Variants in MAP4K4 observed in about 807,000 individuals in gnomAD.
MAP4K4 encodes mitogen-activated protein kinase kinase kinase kinase 4, also known as HPK/GCK-like kinase HGK.
A neutral mutation model predicts 189.6 loss-of-function variants in MAP4K4; 38 were observed. The observed-to-expected ratio is 0.20, with a 90% CI of 0.15 to 0.26. MAP4K4 has a LOEUF of 0.26. Ranked by LOEUF, MAP4K4 falls within the 10% of genes least tolerant of loss-of-function variation. The pLI is 1.00. For synonymous variants in MAP4K4, 610 were observed against 624.3 expected (o/e 0.98, Z 0.34); for missense variants, 1,054 against 1,726.9 (o/e 0.61, Z 6.91).
At chr2:101,822,773 C>A (rs925532195) in intron 3 of MAP4K4, among the ~76,000 whole-genome samples, 4 of 152,046 alleles carry the variant, frequency 2.6e-5, no homozygotes, top group African/African-American at 9.7e-5. Flanking sequence ...AGAAGGACAT[C>A]AGTTGTGAGT....
At chr2:101,877,260 A>G (rs768545328) in intron 27 of MAP4K4, 114 bp downstream of exon 27, 76 of 1,040,728 alleles carry the variant, frequency 7.3e-5, no homozygotes, top group Non-Finnish European at 9.2e-5. Context: ...ATAAGGTACA[A>G]CCACATTGAG....
chr2:101,759,156 A>G (rs1202652609), intron 2 of MAP4K4, among the ~76,000 whole-genome samples: 1 of 133,672 alleles, frequency 7.5e-6, no homozygotes, highest in Non-Finnish European at 1.6e-5. Context: ...AAAAAAAAAG[A>G]AGGGTTGCCA....
rs530614391 is a variant in MAP4K4, at chr2:101,820,604, T to C, written c.181-3324T>C. On this transcript the variant is annotated intron_variant, in intron 3 of 32. Coordinates refer to ENST00000324219, the Ensembl canonical transcript of MAP4K4. ...TTTAGAGCACATGTTTAATTAACCATGGACCTTATTTTGGGAGTGACACCA... is the reference window on the plus strand; with the variant it reads ...TTTAGAGCACATGTTTAATTAACCACGGACCTTATTTTGGGAGTGACACCA... Among the ~76,000 whole-genome samples, 171 of 152,348 alleles carry C rather than the reference T, an allele frequency of 1.1e-3. 2 individuals are homozygous for C. Among genetic ancestry groups the C allele is most frequent in the African/African-American group, 3.8e-3 (158 of 41,574 alleles).
chr2:101,867,291 C>T, exon 20 of MAP4K4: 1 of 1,606,274 alleles, frequency 6.2e-7, no homozygotes, highest in Non-Finnish European at 8.5e-7. Flanking sequence ...AGGAAGTTTT[C>T]AGACCCCTCA....
At chr2:101,888,010 C>A in intron 31 of MAP4K4, 73 bp downstream of exon 31, 2 of 1,390,296 alleles carry the variant, frequency 1.4e-6, no homozygotes, top group Non-Finnish European at 9.8e-7. Flanking sequence ...ATTTATCATG[C>A]TGATTTTGTA....
chr2:101,703,901 C>T (rs2149191508), intron 2 of MAP4K4, among the ~76,000 whole-genome samples: 1 of 152,016 alleles, frequency 6.6e-6, no homozygotes, highest in South Asian at 2.1e-4. Flanking sequence ...GTCCCAGCTA[C>T]CCAGGAGGCT....
chr2:101,876,431 G>C (rs987429626), intron 26 of MAP4K4, among the ~76,000 whole-genome samples: 3 of 152,230 alleles, frequency 2.0e-5, no homozygotes, highest in African/African-American at 4.8e-5. Flanking sequence ...CTAAGAAATG[G>C]AAGGACAAGA....
At chr2:101,811,703 C>G (rs1157323548) in intron 3 of MAP4K4, among the ~76,000 whole-genome samples, 1 of 152,162 alleles carries the variant, frequency 6.6e-6, no homozygotes, top group Non-Finnish European at 1.5e-5. Context: ...AGTGGGCCCA[C>G]AGTTCGTGCT....
chr2:101,873,345 AT>A (rs373187757), intron 24 of MAP4K4, among the ~76,000 whole-genome samples: 1 of 151,798 alleles, frequency 6.6e-6, no homozygotes, highest in African/African-American at 2.4e-5. Flanking sequence ...TATTTACTTA[AT>A]TTTTTTTTAA....
intron 12 of MAP4K4, among the ~76,000 whole-genome samples, chr2:101,849,900 A>C (rs147771756): frequency 2.4e-3 from 370 of 152,256 alleles, no homozygotes; most frequent in African/African-American, 8.5e-3. Flanking sequence ...AGAAAATAAA[A>C]ATATTAAACA....
intron 7 of MAP4K4, 94 bp from the exon 8 acceptor site, chr2:101,834,315 G>A: frequency 1.1e-6 from 1 of 943,064 alleles, no homozygotes. Flanking sequence ...TTTCCTTTTG[G>A]TTTATATAGC....
intron 2 of MAP4K4, among the ~76,000 whole-genome samples, chr2:101,754,065 A>C (rs1162984039): frequency 6.6e-6 from 1 of 152,174 alleles, no homozygotes. Context: ...TTAACTGCAA[A>C]GGCTCAATCA....
intron 2 of MAP4K4, among the ~76,000 whole-genome samples, chr2:101,750,665 A>T (rs373029538): frequency 5.3e-4 from 78 of 146,648 alleles, no homozygotes; most frequent in East Asian, 4.5e-3. Context: ...TATATATATA[A>T]AAAAAAAAAG....
chr2:101,699,428 C>T (rs1478202440), intron 2 of MAP4K4, among the ~76,000 whole-genome samples: 1 of 152,192 alleles, frequency 6.6e-6, no homozygotes, highest in Non-Finnish European at 1.5e-5. Flanking sequence ...CTTGAAAATT[C>T]AGAACGGAAT....
At chr2:101,697,789 C>T (rs1477321216) in exon 1 of MAP4K4, 6 of 145,424 alleles carry the variant, frequency 4.1e-5, no homozygotes, top group African/African-American at 1.5e-4. Flanking sequence ...GCGCCGGGGC[C>T]TGAGGCGGCG....
chr2:101,844,360 T>C (rs1189006412), intron 12 of MAP4K4, 49 bp downstream of exon 12: 2 of 1,469,026 alleles, frequency 1.4e-6, no homozygotes. Flanking sequence ...TCTTTCTGCA[T>C]TTACACTGGT....
chr2:101,886,759 C>T (rs183623948), intron 29 of MAP4K4, among the ~76,000 whole-genome samples: 14 of 152,214 alleles, frequency 9.2e-5, no homozygotes, highest in Admixed American at 2.0e-4. Context: ...GTAAGTTCTC[C>T]GGCCGGGCGT....
intron 2 of MAP4K4, among the ~76,000 whole-genome samples, chr2:101,706,749 T>C (rs1230227901): frequency 3.3e-5 from 5 of 152,222 alleles, no homozygotes; most frequent in Admixed American, 3.3e-4. Context: ...GTTTCCTGGA[T>C]ACTGCAGTCT....
intron 2 of MAP4K4, among the ~76,000 whole-genome samples, chr2:101,745,594 A>G (rs2065085242): frequency 6.6e-6 from 1 of 152,122 alleles, no homozygotes; most frequent in South Asian, 2.1e-4. Flanking sequence ...TGCCACGGTC[A>G]TACTTACCTG....
Sources: gnomAD v4.1 joint callset for allele counts (sites outside exome capture counted in the v4.1 genomes callset) on GRCh38, gnomAD v4.1.1 for gene constraint, MANE v1.5 for transcripts, NCBI Gene and HGNC (gene_info 2026-07-23, HGNC 2026-07-21) for gene names.